TMEM253: variants seen among roughly 807,000 people sequenced by gnomAD.
TMEM253 encodes the protein transmembrane protein 253.
Under a neutral mutation model 20.3 loss-of-function variants are expected in TMEM253, and 22 were observed. The observed-to-expected ratio is 1.08, with a 90% CI of 0.78 to 1.55. The LOEUF is 1.55. TMEM253 is among the 40% of genes most tolerant of loss of function. The probability of loss-of-function intolerance (pLI) is 0.00; values close to 1 mark genes in which losing one functional copy is unlikely to be tolerated. For missense variants in TMEM253, 251 were observed against 266.1 expected (o/e 0.94, Z 0.39); for synonymous variants, 92 against 102.6 (o/e 0.90, Z 0.62).
Position 21,102,693 on chromosome 14 carries a change from G to A in TMEM253, c.448G>A (p.Val150Ile), listed in dbSNP as rs1046255984. ...GGCCTTCACCCTAGGGGGAGTGCTG[G>A]TCTCAGTGCACGCCCTATTCTTGCT... The change falls in exon 6 of 7, where the codon GTC (valine) becomes ATC (isoleucine). Residue 150 changes from valine (V) to isoleucine (I), a missense_variant. Coordinates refer to ENST00000556585, the Ensembl canonical transcript of TMEM253. 3.9e-6 allele frequency: 6 copies of A among 1,551,600 alleles called. No individual in the cohort carries two copies. In the East Asian group the frequency reaches 1.5e-4, roughly 38 times the overall value.
chr14:21,103,405 A>G, exon 7 of TMEM253: 1 of 1,294,266 alleles, frequency 7.7e-7, no homozygotes, highest in Non-Finnish European at 1.0e-6. Flanking sequence ...TTAGGGGAAG[A>G]TACACCTGGA....
rs1566558131 is a variant in TMEM253 at position 21,102,437 on chromosome 14, CT to C, written c.311del (p.Leu104Ter). 1 of 1,551,714 alleles carries C rather than the reference CT, an allele frequency of 6.4e-7. No individual in the cohort carries two copies. The highest frequency in any genetic ancestry group is 2.0e-5 in the Admixed American group (1 of 51,014). On this transcript the variant is annotated frameshift_variant, in exon 5 of 7. Coordinates refer to ENST00000556585, the Ensembl canonical transcript of TMEM253. LOFTEE classifies it high-confidence loss of function. ...CCATGATGATATTCAACACCTTCAA[CT>C]TGATCTTGGGTTTCATAGTGGTGGT... is the stretch of plus-strand genomic sequence containing the variant.
upstream of TMEM253, chr14:21,098,861 C>T: frequency 7.8e-7 from 1 of 1,285,994 alleles, no homozygotes; most frequent in Non-Finnish European, 1.0e-6. Flanking sequence ...TGCACAGACT[C>T]GGGAAGTTCT....
chr14:21,101,412 G>A lies in TMEM253; in HGVS notation c.69G>A (p.Trp23Ter). The change falls in exon 2 of 7, where the codon TGG (tryptophan) becomes TGA (stop). Residue 23 changes from tryptophan to a stop codon, truncating the protein, a stop_gained. Coordinates refer to ENST00000556585, the Ensembl canonical transcript of TMEM253. LOFTEE classifies it high-confidence loss of function. ...TTCGTCTGGAAAAGCTACAACACTG[G>A]GCAAGGCACAGGCAGAGTGGGCACC... 1 of 1,551,610 alleles carries A rather than the reference G, an allele frequency of 6.4e-7. No homozygotes were observed. The highest frequency in any genetic ancestry group is 8.7e-7 in the Non-Finnish European group (1 of 1,146,944).
At chr14:21,099,128 C>T (rs1374734592), upstream of TMEM253, 1 of 231,876 alleles carries the variant, frequency 4.3e-6, no homozygotes, top group Non-Finnish European at 8.8e-6. Flanking sequence ...AGGCACTGGG[C>T]TCAGCGCTGT....
At chr14:21,103,201 A>C in exon 7 of TMEM253, 1 of 1,551,616 alleles carries the variant, frequency 6.4e-7, no homozygotes, top group Non-Finnish European at 8.7e-7. Context: ...CCAGCACAGG[A>C]GCAAATGAGA....
chr14:21,102,359 G>T, intron 4 of TMEM253, 46 bp from the exon 5 acceptor site: 1 of 1,545,564 alleles, frequency 6.5e-7, no homozygotes, highest in South Asian at 1.2e-5. Context: ...ATTGAGGTTG[G>T]AATGACTCCC....
chr14:21,101,212 C>T, intron 1 of TMEM253, 28 bp downstream of exon 1: 2 of 814,438 alleles, frequency 2.5e-6, no homozygotes, highest in Non-Finnish European at 3.9e-6. Context: ...GACCTCAAAT[C>T]CCTGGATATT....
rs200993615 is a variant in TMEM253 at position 21,103,226 on chromosome 14, G to A, written c.622G>A (p.Glu208Lys). 4.5e-4 allele frequency: 703 copies of A among 1,551,590 alleles called. 2 individuals carry two copies. Among genetic ancestry groups the A allele is most frequent in the Non-Finnish European group, 2.1e-4 (239 of 1,146,980 alleles). ...AGCAAATGAGAGGGTGGGACAGCGG[G>A]AACAGACACGTGCTGCTCTCCTTCC... Residue 208 changes from glutamate to lysine, a missense_variant, in exon 7 of 7, where the codon GAA (glutamate) becomes AAA (lysine). Physicochemically the swap from Glu to Lys is moderately conservative, Grantham distance 56. Coordinates refer to ENST00000556585, the Ensembl canonical transcript of TMEM253.
At chr14:21,103,517 A>T in exon 7 of TMEM253, 1 of 482,894 alleles carries the variant, frequency 2.1e-6, no homozygotes, top group Non-Finnish European at 3.6e-6. Flanking sequence ...CATTTGCCTC[A>T]TCGCACTTTT....
At chr14:21,102,756 C>T in exon 6 of TMEM253, 1 of 1,550,824 alleles carries the variant, frequency 6.4e-7, no homozygotes, top group African/African-American at 1.4e-5. Flanking sequence ...GAGCCAGAGT[C>T]TGCACTATCA....
intron 6 of TMEM253, 24 bp downstream of exon 6, chr14:21,102,803 C>T: frequency 3.2e-6 from 5 of 1,543,294 alleles, no homozygotes; most frequent in East Asian, 2.4e-5. Context: ...GAAGAAAGCA[C>T]GAATAGCTAG....
upstream of TMEM253, among the ~76,000 whole-genome samples, chr14:21,100,523 G>A (rs1433453629): frequency 7.3e-6 from 1 of 136,354 alleles, no homozygotes; most frequent in Non-Finnish European, 1.6e-5. Context: ...CTCACTATTT[G>A]AGGACCATGA....
chr14:21,101,705 A>T (rs911230951), intron 2 of TMEM253, 160 bp from the exon 3 acceptor site: 1 of 674,982 alleles, frequency 1.5e-6, no homozygotes, highest in African/African-American at 1.8e-5. Flanking sequence ...GAAAAAATTA[A>T]ATGATACTTA....
intron 4 of TMEM253, 118 bp downstream of exon 4, chr14:21,102,238 C>A: frequency 7.1e-7 from 1 of 1,407,902 alleles, no homozygotes; most frequent in Non-Finnish European, 9.6e-7. Context: ...TCACCACTGA[C>A]TGGCCTCAAT....
At chr14:21,103,331 A>G (rs1007487128) in exon 7 of TMEM253, 6 of 1,497,386 alleles carry the variant, frequency 4.0e-6, no homozygotes, top group Middle Eastern at 2.4e-4. Flanking sequence ...TTCGAGTCCA[A>G]TAGGAAGTCC....
intron 6 of TMEM253, 101 bp downstream of exon 6, chr14:21,102,880 G>A (rs1032733306): frequency 7.6e-6 from 11 of 1,456,480 alleles, no homozygotes; most frequent in African/African-American, 1.4e-5. Context: ...TGGGGCAGGA[G>A]AGAAAAGAAG....
At position 21,103,620 on chromosome 14, in the gene TMEM253, C is replaced by T. The variant is rs142474306; in HGVS notation, c.*362C>T. 1,385 of 213,770 alleles carry T rather than the reference C, an allele frequency of 6.5e-3. 21 individuals are homozygous for T. The highest frequency in any genetic ancestry group is 0.031 in the African/African-American group (1,311 of 42,756). The allele number at this position is 213,770 out of a possible 1,614,324, so 13.2% of individuals were successfully genotyped here. ...AATCCAATTCAGGAGTGCCCCAGTT[C>T]CCCTTTCGATCCATCTCCTTTCTAC... On this transcript the variant is annotated 3_prime_UTR_variant, in exon 7 of 7. Transcript: ENST00000556585.
exon 7 of TMEM253, chr14:21,103,316 G>C (rs1365580954): frequency 6.6e-7 from 1 of 1,519,980 alleles, no homozygotes; most frequent in Non-Finnish European, 8.8e-7. Context: ...AGCTTGCTGG[G>C]ATCCTTCGAG....
Sources: gnomAD v4.1 joint callset for allele counts (sites outside exome capture counted in the v4.1 genomes callset) on GRCh38, gnomAD v4.1.1 for gene constraint, MANE v1.5 for transcripts, NCBI Gene and HGNC (gene_info 2026-07-23, HGNC 2026-07-21) for gene names.